TBL1XR1: variants seen among roughly 807,000 people sequenced by gnomAD.
The protein encoded by TBL1XR1 is TBL1X/Y related 1.
TBL1XR1 carries 5 observed loss-of-function variants against 66.9 expected under a neutral mutation model. The ratio of observed to expected loss-of-function variants is 0.07; its 90% CI spans 0.04 to 0.16. The LOEUF (loss-of-function observed/expected upper bound fraction) is 0.16. Among genes scored for constraint, TBL1XR1 ranks in the 10% least tolerant of loss-of-function variants. The pLI is 1.00. For synonymous variants in TBL1XR1, 210 were observed against 206.0 expected, an observed-to-expected ratio of 1.02 and a Z score of -0.17; for missense variants, 238 against 623.2, an observed-to-expected ratio of 0.38 and a Z score of 6.58.
At chr3:177,069,852 G>GGAAGGAAT (rs1719732796) in intron 2 of TBL1XR1, among the ~76,000 whole-genome samples, 3 of 146,416 alleles carry the variant, frequency 2.0e-5, no homozygotes, top group African/African-American at 7.5e-5. Context: ...AAGGAAGGAA[G>GGAAGGAAT]GAAAAACAAC....
intron 10 of TBL1XR1, among the ~76,000 whole-genome samples, chr3:177,041,886 C>T (rs907973825): frequency 2.0e-5 from 3 of 152,150 alleles, no homozygotes; most frequent in African/African-American, 4.8e-5. Flanking sequence ...GGCTGGGTGT[C>T]GAGCATTGCC....
chr3:177,022,230 T>G lies in TBL1XR1; in HGVS notation c.*3268A>C, dbSNP rs1712474439. 6.6e-6 allele frequency: 1 copy of G among 152,578 alleles called. No individual in the cohort carries two copies. Among genetic ancestry groups the G allele is most frequent in the Non-Finnish European group, 1.5e-5 (1 of 67,980 alleles). 9.5% of individuals were successfully genotyped at this position (152,578 alleles called of 1,614,324 possible). A position where few individuals can be genotyped will look rare whatever the true frequency, so the allele number is the denominator to read the frequency against. On this transcript the variant is annotated 3_prime_UTR_variant, in exon 16 of 16. Coordinates refer to ENST00000457928, the MANE Select transcript of TBL1XR1 (RefSeq NM_024665.7). ...AAAACCTTCATGTATTTCAATCTAG[T>G]GATTACTTTTTGCACCATAATTTGT...
intron 14 of TBL1XR1, chr3:177,027,063 A>G (rs1412246715): frequency 6.6e-6 from 1 of 152,322 alleles, no homozygotes; most frequent in Non-Finnish European, 1.5e-5. Flanking sequence ...CTGTGCAATC[A>G]TAGCTCACTG....
chr3:177,041,045 CAAAGTAAACATAGTCAA>C (rs1715511590), intron 10 of TBL1XR1: 1 of 152,168 alleles, frequency 6.6e-6, no homozygotes, highest in Non-Finnish European at 1.5e-5. Context: ...GAATTCCCAA[CAAAGTAAACATAGTCAA>C]AAATCACACC....
intron 1 of TBL1XR1, among the ~76,000 whole-genome samples, chr3:177,160,553 T>C (rs1239257515): frequency 3.3e-5 from 5 of 151,876 alleles, no homozygotes; most frequent in African/African-American, 9.7e-5. Flanking sequence ...ACTGAGTCCA[T>C]AGTTCCCATT....
chr3:177,134,845 G>C (rs988529359), intron 1 of TBL1XR1, among the ~76,000 whole-genome samples: 3 of 152,072 alleles, frequency 2.0e-5, no homozygotes, highest in Non-Finnish European at 2.9e-5. Flanking sequence ...TTGAATCTCA[G>C]AGCCTACTTA....
chr3:177,134,971 G>GTGTGTGTGTGTGTGTC (rs1283330297), intron 1 of TBL1XR1, among the ~76,000 whole-genome samples: 3,136 of 145,970 alleles, frequency 0.021, 49 homozygotes, highest in East Asian at 0.071. Context: ...GTGTGTCTGT[G>GTGTGTGTGTGTGTGTC]TGTGTGTCTG....
In TBL1XR1 at chr3:177,118,335, C is replaced by G. The variant is rs553290959; in HGVS notation, c.-121-19794G>C. On this transcript the variant is annotated intron_variant, in intron 1 of 15. Transcript: ENST00000457928. ...CAAACAACTATACGTCTTTCATGCC[C>G]TCATCGCTGAGTAGCTTTAACATTG... Among the ~76,000 whole-genome samples, 5 of 152,290 alleles carry G rather than the reference C, an allele frequency of 3.3e-5. No homozygotes were observed. The East Asian group carries it at 9.7e-4, about 29-fold the overall frequency.
At chr3:177,068,329 G>A (rs1429805109) in intron 2 of TBL1XR1, among the ~76,000 whole-genome samples, 12 of 151,962 alleles carry the variant, frequency 7.9e-5, no homozygotes, top group Non-Finnish European at 1.2e-4. Context: ...ATCACTTATA[G>A]GCAATCAACT....
At chr3:177,184,494 T>C (rs972322422) in intron 1 of TBL1XR1, among the ~76,000 whole-genome samples, 1 of 152,178 alleles carries the variant, frequency 6.6e-6, no homozygotes, top group Non-Finnish European at 1.5e-5. Context: ...GTATCAAGCT[T>C]GGATAGGATT....
intron 1 of TBL1XR1, among the ~76,000 whole-genome samples, chr3:177,191,966 G>A (rs554852418): frequency 2.0e-4 from 30 of 151,916 alleles, no homozygotes; most frequent in African/African-American, 7.0e-4. Context: ...AGTGACAGGC[G>A]CCTGTAATCC....
At chr3:177,075,786 C>T (rs964831962) in intron 2 of TBL1XR1, among the ~76,000 whole-genome samples, 2 of 152,066 alleles carry the variant, frequency 1.3e-5, no homozygotes, top group East Asian at 1.9e-4. Flanking sequence ...TCTAAATTAG[C>T]GTGACAATAA....
chr3:177,132,627 C>A (rs1296808448), intron 1 of TBL1XR1, among the ~76,000 whole-genome samples: 1 of 151,902 alleles, frequency 6.6e-6, no homozygotes, highest in Non-Finnish European at 1.5e-5. Flanking sequence ...GTCATAGAGA[C>A]AAAATGGGAT....
rs1712749783 is a variant in TBL1XR1, at chr3:177,024,089, A to G, written c.*1409T>C. 2.0e-5 allele frequency: 3 copies of G among 152,120 alleles called. No homozygotes were observed. Among genetic ancestry groups the G allele is most frequent in the Admixed American group, 2.0e-4 (3 of 15,244 alleles). 9.4% of individuals were successfully genotyped at this position (152,120 alleles called of 1,614,324 possible). A position where few individuals can be genotyped will look rare whatever the true frequency, so the allele number is the denominator to read the frequency against. On this transcript the variant is annotated 3_prime_UTR_variant, in exon 16 of 16. Coordinates refer to ENST00000457928, the MANE Select transcript of TBL1XR1 (RefSeq NM_024665.7). Reference sequence around the variant, plus strand: ...ATAAACAGAGTAAAAGACATGATATAGTAGTGATTACTAAAAAAAAAAAAA... The same window carrying G: ...ATAAACAGAGTAAAAGACATGATATGGTAGTGATTACTAAAAAAAAAAAAA...
chr3:177,108,931 A>T (rs903593480), intron 1 of TBL1XR1, among the ~76,000 whole-genome samples: 1 of 150,888 alleles, frequency 6.6e-6, no homozygotes. Flanking sequence ...CGATGAGAAG[A>T]AATGTTATGC....
intron 1 of TBL1XR1, among the ~76,000 whole-genome samples, chr3:177,194,747 T>C (rs901700175): frequency 2.6e-5 from 4 of 152,218 alleles, no homozygotes; most frequent in African/African-American, 9.6e-5. Flanking sequence ...TTACCTCTAA[T>C]TCTTTCGGGA....
chr3:177,048,949 A>G (rs552709600), intron 7 of TBL1XR1, among the ~76,000 whole-genome samples: 1 of 152,342 alleles, frequency 6.6e-6, no homozygotes, highest in South Asian at 2.1e-4. Flanking sequence ...AAAATATAAT[A>G]AGGGCCCATA....
At chr3:177,168,688 TTTCTC>T (rs1167996405) in intron 1 of TBL1XR1, among the ~76,000 whole-genome samples, 1 of 152,216 alleles carries the variant, frequency 6.6e-6, no homozygotes, top group Non-Finnish European at 1.5e-5. Context: ...ATACTGAACT[TTTCTC>T]TCTCTACAAA....
At chr3:177,163,624 T>C (rs550793636) in intron 1 of TBL1XR1, among the ~76,000 whole-genome samples, 1 of 152,098 alleles carries the variant, frequency 6.6e-6, no homozygotes, top group African/African-American at 2.4e-5. Flanking sequence ...TTTAAAACAA[T>C]ACTGGGGAGA....
Sources: allele counts gnomAD v4.1 joint callset (sites outside exome capture counted in the v4.1 genomes callset), GRCh38; gene constraint gnomAD v4.1.1; transcripts MANE v1.5; gene names NCBI Gene and HGNC (gene_info 2026-07-23, HGNC 2026-07-21).